CMIP: variants seen among roughly 807,000 people sequenced by gnomAD.
CMIP encodes c-Maf inducing protein.
A neutral mutation model predicts 97.3 loss-of-function variants in CMIP; 13 were observed. The observed-to-expected ratio is 0.13, with a 90% CI of 0.09 to 0.21. CMIP has a LOEUF of 0.21. Ranked by LOEUF, CMIP falls within the 10% of genes least tolerant of loss-of-function variation. The probability of loss-of-function intolerance (pLI) is 1.00; values close to 1 mark genes in which losing one functional copy is unlikely to be tolerated. For synonymous variants in CMIP, 538 were observed against 436.3 expected (o/e 1.23, Z -2.91); for missense variants, 847 against 1,024.9 (o/e 0.83, Z 2.37).
chr16:81,538,488 G>C (rs11644696), intron 1 of CMIP, among the ~76,000 whole-genome samples: 2 of 152,060 alleles, frequency 1.3e-5, no homozygotes, highest in African/African-American at 4.8e-5. Context: ...GGGCCAGCCT[G>C]TGTCTCCATG....
chr16:81,592,264 C>T (rs1567598584), intron 1 of CMIP, among the ~76,000 whole-genome samples: 2 of 152,374 alleles, frequency 1.3e-5, no homozygotes, highest in South Asian at 4.1e-4. Flanking sequence ...CGAGGGCTAT[C>T]TCCTGGTCTG....
chr16:81,687,236 C>T (rs923970393), intron 10 of CMIP, among the ~76,000 whole-genome samples: 1 of 152,210 alleles, frequency 6.6e-6, no homozygotes, highest in Non-Finnish European at 1.5e-5. Flanking sequence ...AGCCCGGGGC[C>T]CAGCATGGGG....
chr16:81,465,223 T>A (rs1159726146), intron 1 of CMIP, among the ~76,000 whole-genome samples: 1 of 152,166 alleles, frequency 6.6e-6, no homozygotes, highest in Non-Finnish European at 1.5e-5. Flanking sequence ...AATTAACATT[T>A]TTGTAGGGTG....
At chr16:81,592,149 T>C (rs1486325085) in intron 1 of CMIP, among the ~76,000 whole-genome samples, 1 of 152,192 alleles carries the variant, frequency 6.6e-6, no homozygotes, top group African/African-American at 2.4e-5. Context: ...TATTTTACTT[T>C]TTTATGCACC....
At chr16:81,521,955 G>A (rs561595425) in intron 1 of CMIP, among the ~76,000 whole-genome samples, 1 of 152,286 alleles carries the variant, frequency 6.6e-6, no homozygotes, top group East Asian at 1.9e-4. Context: ...ACAGAATATT[G>A]TTTCCTTTTT....
At chr16:81,686,317 C>A (rs1431625563) in intron 10 of CMIP, among the ~76,000 whole-genome samples, 1 of 152,128 alleles carries the variant, frequency 6.6e-6, no homozygotes, top group East Asian at 1.9e-4. Flanking sequence ...AATACGGGGG[C>A]ATAAAGGGGT....
intron 1 of CMIP, among the ~76,000 whole-genome samples, chr16:81,561,264 G>T (rs2150872895): frequency 6.6e-6 from 1 of 152,316 alleles, no homozygotes; most frequent in Admixed American, 6.5e-5. Context: ...CATGACTATA[G>T]ATCACCTAAT....
chr16:81,563,181 C>T (rs969602300), intron 1 of CMIP, among the ~76,000 whole-genome samples: 2 of 152,234 alleles, frequency 1.3e-5, no homozygotes, highest in South Asian at 2.1e-4. Context: ...AAGGTGTCTA[C>T]AGGCGAGCCA....
intron 2 of CMIP, chr16:81,617,393 C>G (rs4360932): frequency 0.12 from 18,027 of 152,366 alleles, 1,127 homozygotes; most frequent in East Asian, 0.2. Flanking sequence ...GGTGAATTCT[C>G]CCTGCCCCAT....
chr16:81,634,691 A>G (rs2092211604), intron 3 of CMIP, among the ~76,000 whole-genome samples: 1 of 152,182 alleles, frequency 6.6e-6, no homozygotes, highest in Admixed American at 6.5e-5. Context: ...AACTCACATT[A>G]GAGACTTACT....
intron 6 of CMIP, among the ~76,000 whole-genome samples, chr16:81,661,355 G>A (rs1282465806): frequency 6.6e-6 from 1 of 152,372 alleles, no homozygotes. Context: ...TTAGCTTAGA[G>A]GAGCTGTGGA....
At chr16:81,539,652 T>A (rs2090411377) in intron 1 of CMIP, among the ~76,000 whole-genome samples, 1 of 152,184 alleles carries the variant, frequency 6.6e-6, no homozygotes, top group Non-Finnish European at 1.5e-5. Context: ...CCTGTTTCCT[T>A]TTCTCAGCTG....
At chr16:81,648,398 A>C (rs2092389722) in intron 3 of CMIP, among the ~76,000 whole-genome samples, 2 of 152,030 alleles carry the variant, frequency 1.3e-5, no homozygotes, top group Admixed American at 1.3e-4. Context: ...GAGGGCTGCC[A>C]GCTGTGCACC....
chr16:81,566,581 A>G (rs1261541795), intron 1 of CMIP, among the ~76,000 whole-genome samples: 1 of 152,210 alleles, frequency 6.6e-6, no homozygotes, highest in Non-Finnish European at 1.5e-5. Flanking sequence ...TTGCCTGCTT[A>G]CCAGGTCTTG....
intron 1 of CMIP, among the ~76,000 whole-genome samples, chr16:81,585,947 T>A (rs1205910717): frequency 2.0e-5 from 3 of 152,164 alleles, no homozygotes; most frequent in Non-Finnish European, 1.5e-5. Context: ...CTCCATGAGC[T>A]CCTGGAGCAT....
At chr16:81,631,291 G>A (rs1052294208) in intron 3 of CMIP, 2 of 152,298 alleles carry the variant, frequency 1.3e-5, no homozygotes, top group African/African-American at 2.4e-5. Flanking sequence ...CACACAGCTA[G>A]AGACAGGCAG....
At chr16:81,593,044 G>C (rs1467801231) in intron 1 of CMIP, among the ~76,000 whole-genome samples, 1 of 152,258 alleles carries the variant, frequency 6.6e-6, no homozygotes, top group Non-Finnish European at 1.5e-5. Context: ...ACTGGGGCTG[G>C]AGGGGTTTGA....
intron 1 of CMIP, among the ~76,000 whole-genome samples, chr16:81,487,886 G>A (rs553839123): frequency 1.3e-5 from 2 of 152,260 alleles, no homozygotes; most frequent in South Asian, 4.2e-4. Flanking sequence ...AGGATGTTCC[G>A]GCTCTGCAAA....
intron 2 of CMIP, among the ~76,000 whole-genome samples, chr16:81,615,174 T>C (rs908473728): frequency 9.4e-6 from 1 of 105,880 alleles, no homozygotes; most frequent in Non-Finnish European, 1.9e-5. Flanking sequence ...GTGGTGTATG[T>C]GGTACGTGTA....
Sources: gnomAD v4.1 joint callset for allele counts (sites outside exome capture counted in the v4.1 genomes callset) on GRCh38, gnomAD v4.1.1 for gene constraint, MANE v1.5 for transcripts, NCBI Gene and HGNC (gene_info 2026-07-23, HGNC 2026-07-21) for gene names.